EAPP: variants seen among roughly 807,000 people sequenced by gnomAD.
EAPP encodes E2F associated phosphoprotein.
A neutral mutation model predicts 34.3 loss-of-function variants in EAPP; 38 were observed. The ratio of observed to expected loss-of-function variants is 1.11; its 90% CI spans 0.85 to 1.45. The LOEUF is 1.45. Ranked by LOEUF, EAPP falls within the 40% of genes most tolerant of loss-of-function variation. The pLI is 0.00. For missense variants in EAPP, 338 were observed against 343.7 expected (o/e 0.98, Z 0.13); for synonymous variants, 113 against 117.6 (o/e 0.96, Z 0.25).
At chr14:34,534,775 G>A (rs564254521) in intron 2 of EAPP, among the ~76,000 whole-genome samples, 66 of 151,904 alleles carry the variant, frequency 4.3e-4, no homozygotes, top group African/African-American at 1.5e-3. Context: ...GCCAATGCAG[G>A]AAGATCACTT....
chr14:34,536,922 T>C (rs189648423), intron 1 of EAPP, among the ~76,000 whole-genome samples: 2 of 152,298 alleles, frequency 1.3e-5, no homozygotes, highest in African/African-American at 2.4e-5. Context: ...CTGGTTGTGA[T>C]ACTGCACTAT....
chr14:34,525,259 C>G (rs1187793078), intron 4 of EAPP, among the ~76,000 whole-genome samples: 1 of 152,116 alleles, frequency 6.6e-6, no homozygotes, highest in South Asian at 2.1e-4. Context: ...GTCCTTAAGT[C>G]TGGGTTGGAC....
chr14:34,516,375 C>A lies in EAPP; in HGVS notation c.793G>T (p.Glu265Ter). ...TCATCCTTGTCGTAGACTGCCACTT[C>A]AGTGGAACATTCAGTGCACATGACT... ...HPVMCTECST[E>*]VAVYDKDEVF... Residue 265 changes from glutamate to a stop codon, truncating the protein, a stop_gained, in exon 6 of 6, where the codon GAA becomes TAA. Coordinates refer to ENST00000250454, the MANE Select transcript of EAPP (RefSeq NM_018453.4). LOFTEE classifies it high-confidence loss of function. 2.5e-6 allele frequency: 4 copies of A among 1,614,164 alleles called. No individual in the cohort carries two copies. The highest frequency in any genetic ancestry group is 3.4e-6 in the Non-Finnish European group (4 of 1,180,028).
intron 2 of EAPP, among the ~76,000 whole-genome samples, chr14:34,533,758 C>T (rs1880373495): frequency 6.6e-6 from 1 of 152,160 alleles, no homozygotes; most frequent in Non-Finnish European, 1.5e-5. Context: ...TGAGAAAATT[C>T]TTCTCTCTCC....
chr14:34,535,459 G>C (rs1880439448), intron 2 of EAPP, among the ~76,000 whole-genome samples: 1 of 111,122 alleles, frequency 9.0e-6, no homozygotes, highest in African/African-American at 3.3e-5. Context: ...TTTAGATGGA[G>C]TCTCGCTCTG....
At position 34,534,615 on chromosome 14, in the gene EAPP, C is replaced by CT. The variant is rs201786286; in HGVS notation, c.257-1077dup. The stretch of plus-strand genomic sequence containing the variant: ...AAAATACTTTTGTAAGTTTGTGTGT[C>CT]TTTTTTTTTTAACTCGAGTAAAAAC... On this transcript the variant is annotated intron_variant, in intron 2 of 5. Transcript: ENST00000250454. Among the ~76,000 whole-genome samples, 197 of 149,244 alleles carry CT rather than the reference C, an allele frequency of 1.3e-3. 1 individual carries two copies. The highest frequency in any genetic ancestry group is 3.4e-3 in the Middle Eastern group (1 of 290).
chr14:34,519,828 T>C (rs56326357), intron 5 of EAPP, among the ~76,000 whole-genome samples: 1,601 of 146,792 alleles, frequency 0.011, 5 homozygotes, highest in Non-Finnish European at 0.019. Context: ...TTTTGCATTA[T>C]GGTTATCATG....
At chr14:34,534,348 G>A (rs1880394133) in intron 2 of EAPP, among the ~76,000 whole-genome samples, 1 of 152,102 alleles carries the variant, frequency 6.6e-6, no homozygotes, top group African/African-American at 2.4e-5. Flanking sequence ...TGGCCAGGCT[G>A]GTCTTGAGCT....
chr14:34,528,942 C>T (rs1231844640), intron 4 of EAPP, among the ~76,000 whole-genome samples: 1 of 151,776 alleles, frequency 6.6e-6, no homozygotes, highest in Non-Finnish European at 1.5e-5. Flanking sequence ...CGAGACCAGC[C>T]TGGCCAACAT....
At chr14:34,530,966 G>GA (rs1304285203) in intron 3 of EAPP, among the ~76,000 whole-genome samples, 63 of 119,830 alleles carry the variant, frequency 5.3e-4, no homozygotes, top group South Asian at 1.3e-3. Flanking sequence ...AAAAAAAAGA[G>GA]AAAAAAAAAA....
In EAPP at chr14:34,516,395, A is replaced by T. The variant is rs1162882934; in HGVS notation, c.773T>A (p.Met258Lys). ...TDVEEIYHPV[M>K]CTECSTEVAV... ...CACTTCAGTGGAACATTCAGTGCAC[A>T]TGACTGGGTGATAGATTTCTTCCAC... The change falls in exon 6 of 6, where the codon ATG becomes AAG. Residue 258 changes from methionine to lysine, a missense_variant. Met to Lys is a moderately conservative substitution (Grantham distance 95). Transcript: ENST00000250454. 6.2e-7 allele frequency: 1 copy of T among 1,614,094 alleles called. No individual in the cohort carries two copies.
At chr14:34,529,165 TA>T (rs1555320386) in intron 4 of EAPP, among the ~76,000 whole-genome samples, 192 bp downstream of exon 4, 2 of 151,686 alleles carry the variant, frequency 1.3e-5, no homozygotes, top group Admixed American at 1.3e-4. Flanking sequence ...TAAAAAATTT[TA>T]AAAAAAAGTC....
intron 2 of EAPP, 51 bp from the exon 3 acceptor site, chr14:34,533,590 A>AG: frequency 7.8e-7 from 1 of 1,276,152 alleles, no homozygotes; most frequent in Non-Finnish European, 1.1e-6. Context: ...ATAATTCACA[A>AG]GGCAAAAAAC....
At chr14:34,524,521 C>T (rs1463091343) in intron 5 of EAPP, among the ~76,000 whole-genome samples, 176 bp downstream of exon 5, 1 of 151,896 alleles carries the variant, frequency 6.6e-6, no homozygotes, top group Admixed American at 6.6e-5. Flanking sequence ...GAGGCTGAGG[C>T]AGGAGACTCG....
intron 5 of EAPP, among the ~76,000 whole-genome samples, chr14:34,523,836 A>G (rs6571664): frequency 0.78 from 118,127 of 152,010 alleles, 46,828 homozygotes; most frequent in Non-Finnish European, 0.85. Context: ...ACTGTGCCCA[A>G]CTTTAAAAGT....
At chr14:34,538,325 G>C (rs2138228241) in intron 1 of EAPP, among the ~76,000 whole-genome samples, 1 of 152,296 alleles carries the variant, frequency 6.6e-6, no homozygotes, top group South Asian at 2.1e-4. Context: ...GCTACAGTGA[G>C]CCAAGATTGC....
chr14:34,537,468 G>A (rs181668264), intron 1 of EAPP, among the ~76,000 whole-genome samples: 84 of 152,304 alleles, frequency 5.5e-4, no homozygotes, highest in Middle Eastern at 6.8e-3. Flanking sequence ...CAGCACTGCT[G>A]AGAAAGGCAG....
chr14:34,519,448 T>C (rs1397128446), intron 5 of EAPP, among the ~76,000 whole-genome samples: 1 of 151,934 alleles, frequency 6.6e-6, no homozygotes, highest in African/African-American at 2.4e-5. Context: ...GACAGGAGAA[T>C]TGCGTGAACC....
Position 34,523,438 on chromosome 14 carries a change from C to T in EAPP, c.581+1259G>A, listed in dbSNP as rs189915721. On this transcript the variant is annotated intron_variant, in intron 5 of 5. Coordinates refer to ENST00000250454, the MANE Select transcript of EAPP (RefSeq NM_018453.4). ...ATTTTTAATAGAGACAGGGTTTCACCGTGGTCTCGATCTCCTGACCTCGTG... is the reference window on the plus strand; with the variant it reads ...ATTTTTAATAGAGACAGGGTTTCACTGTGGTCTCGATCTCCTGACCTCGTG... 1.6e-3 allele frequency among the ~76,000 whole-genome samples: 242 copies of T among 151,580 alleles called. 1 individual carries two copies. In the East Asian group the frequency reaches 0.017, roughly 11 times the overall value.
Sources: allele counts gnomAD v4.1 joint callset (sites outside exome capture counted in the v4.1 genomes callset), GRCh38; gene constraint gnomAD v4.1.1; transcripts MANE v1.5; gene names NCBI Gene and HGNC (gene_info 2026-07-23, HGNC 2026-07-21).